The following MAN1B1 variants were observed in gnomAD, a reference collection of about 807,000 sequenced individuals.
The protein encoded by MAN1B1 is mannosidase alpha class 1B member 1.
Under a neutral mutation model 75.5 loss-of-function variants are expected in MAN1B1, and 66 were observed. The observed-to-expected ratio is 0.87, with a 90% CI of 0.72 to 1.07. The LOEUF (loss-of-function observed/expected upper bound fraction) is 1.07. Ranked by LOEUF, MAN1B1 falls within the 50% of genes least tolerant of loss-of-function variation. The probability of loss-of-function intolerance (pLI) is 0.00; values close to 1 mark genes in which losing one functional copy is unlikely to be tolerated. For synonymous variants in MAN1B1, 453 were observed against 382.8 expected, an observed-to-expected ratio of 1.18 and a Z score of -2.14; for missense variants, 973 against 912.5, an observed-to-expected ratio of 1.07 and a Z score of -0.85.
chr9:137,102,917 TTCAC>T (rs1192658253), intron 8 of MAN1B1: 7 of 400,630 alleles, frequency 1.7e-5, no homozygotes, highest in South Asian at 3.4e-5. Context: ...GTTACACACA[TTCAC>T]GCTGTTGCAG....
At chr9:137,088,719 T>C (rs1477569591) in intron 2 of MAN1B1, 150 bp from the exon 3 acceptor site, 31 of 907,634 alleles carry the variant, frequency 3.4e-5, no homozygotes, top group Non-Finnish European at 5.0e-5. Flanking sequence ...TTTCATTCCC[T>C]TGGGACATTG....
intron 8 of MAN1B1, chr9:137,103,590 C>T (rs28373932): frequency 0.35 from 155,795 of 442,778 alleles, 6,723 homozygotes; most frequent in East Asian, 0.48. Context: ...TGCAGGCGTG[C>T]GGGTCGGTGG....
intron 6 of MAN1B1, 23 bp downstream of exon 6, chr9:137,099,904 G>A: frequency 6.2e-7 from 1 of 1,613,842 alleles, no homozygotes; most frequent in Non-Finnish European, 8.5e-7. Flanking sequence ...TTCTGGGGAG[G>A]GGCTGAGCCC....
intron 3 of MAN1B1, among the ~76,000 whole-genome samples, chr9:137,089,755 G>A (rs1487006044): frequency 1.3e-5 from 2 of 152,168 alleles, no homozygotes; most frequent in African/African-American, 4.8e-5. Context: ...CTGAGTGGGG[G>A]GAGGAGTGCT....
chr9:137,095,578 A>G (rs1480261849), intron 3 of MAN1B1, among the ~76,000 whole-genome samples: 3 of 152,146 alleles, frequency 2.0e-5, no homozygotes, highest in Non-Finnish European at 4.4e-5. Flanking sequence ...AATAAAAATT[A>G]AGGTTTGGTA....
chr9:137,097,089 T>G (rs184641175), intron 4 of MAN1B1, among the ~76,000 whole-genome samples: 203 of 152,316 alleles, frequency 1.3e-3, no homozygotes, highest in African/African-American at 4.9e-3. Flanking sequence ...GGCGTGGACA[T>G]GTGCATGTGA....
intron 8 of MAN1B1, chr9:137,103,966 C>T (rs556993044): frequency 6.8e-6 from 3 of 442,744 alleles, no homozygotes; most frequent in South Asian, 4.9e-5. Context: ...TGGTGTTGCA[C>T]ATTCATGCTG....
chr9:137,096,213 C>T (rs1830647393), intron 3 of MAN1B1, 24 bp from the exon 4 acceptor site: 5 of 1,614,068 alleles, frequency 3.1e-6, no homozygotes, highest in Non-Finnish European at 4.2e-6. Flanking sequence ...CCCGTGATTT[C>T]CTGTGTGACC....
intron 3 of MAN1B1, among the ~76,000 whole-genome samples, chr9:137,092,239 T>C (rs1486266211): frequency 2.7e-5 from 4 of 150,740 alleles, no homozygotes; most frequent in Non-Finnish European, 5.9e-5. Flanking sequence ...ATGCCTATAG[T>C]CCCAGCTACC....
chr9:137,091,358 G>A (rs57965621), intron 3 of MAN1B1, among the ~76,000 whole-genome samples: 11,312 of 152,064 alleles, frequency 0.074, 1,361 homozygotes, highest in African/African-American at 0.25. Context: ...TCTTTCTCAA[G>A]CATTGACTTG....
rs1238823416 is a variant in MAN1B1 at position 137,101,678 on chromosome 9, G to A, written c.1254+6G>A. 1 of 1,611,152 alleles carries A rather than the reference G, an allele frequency of 6.2e-7. No individual in the cohort carries two copies. Among genetic ancestry groups the A allele is most frequent in the Admixed American group, 1.7e-5 (1 of 59,818 alleles). ...CAGGGGATAAGAAGTTTCAGGTAAG[G>A]GGGCAGGCTTTCTGGCTGGATGCGC... is the stretch of plus-strand genomic sequence containing the variant. On this transcript the variant is annotated splice_donor_region_variant and intron_variant, in intron 8 of 12. Transcript: ENST00000371589.
chr9:137,091,526 T>A (rs1830514856), intron 3 of MAN1B1, among the ~76,000 whole-genome samples: 2 of 144,044 alleles, frequency 1.4e-5, no homozygotes, highest in East Asian at 2.0e-4. Flanking sequence ...TTTATATTTT[T>A]TTTTTTTTTT....
At chr9:137,094,492 C>T (rs1241861485) in intron 3 of MAN1B1, 7 of 347,890 alleles carry the variant, frequency 2.0e-5, no homozygotes, top group Non-Finnish European at 4.1e-5. Context: ...GTCATCCCAG[C>T]ACTTTGAGAG....
At chr9:137,102,979 C>G (rs1439181952) in intron 8 of MAN1B1, 1 of 418,550 alleles carries the variant, frequency 2.4e-6, no homozygotes, top group Non-Finnish European at 4.6e-6. Flanking sequence ...TGCAGGCGTG[C>G]AGGTCGGTGG....
chr9:137,099,908 T>A (rs958817461), intron 6 of MAN1B1, 27 bp downstream of exon 6: 26 of 1,612,564 alleles, frequency 1.6e-5, no homozygotes, highest in African/African-American at 2.7e-5. Flanking sequence ...GGGGAGGGGC[T>A]GAGCCCTCCG....
chr9:137,099,478 G>A (rs1345799800), intron 5 of MAN1B1, among the ~76,000 whole-genome samples: 1 of 152,254 alleles, frequency 6.6e-6, no homozygotes, highest in Non-Finnish European at 1.5e-5. Context: ...GCAGTCTCCA[G>A]AGGTCTCAGG....
At chr9:137,091,521 A>ATTTTTTTTTTTTTTTTTTTTTTTTTTT (rs964752016) in intron 3 of MAN1B1, among the ~76,000 whole-genome samples, 1 of 89,924 alleles carries the variant, frequency 1.1e-5, no homozygotes, top group African/African-American at 3.6e-5. Flanking sequence ...TTTGTTTTAT[A>ATTTTTTTTTTTTTTTTTTTTTTTTTTT]TTTTTTTTTT....
At position 137,108,483 on chromosome 9, in the gene MAN1B1, G is replaced by A. The variant is rs747239978; in HGVS notation, c.1992G>A (p.Thr664=). The A allele has an allele frequency of 1.1e-5, 18 of 1,613,854 alleles. No homozygotes were observed. Among genetic ancestry groups the A allele is most frequent in the Admixed American group, 1.0e-4 (6 of 60,006 alleles). The stretch of plus-strand genomic sequence containing the variant: ...TGGAGAGCTTCTTCCTGGGGGAGAC[G>A]CTCAAGTATCTGTTCTTGCTCTTCT... The part of the protein sequence containing the change: ...DKMESFFLGE[T]LKYLFLLFSD... The change falls in exon 13 of 13, where the codon ACG becomes ACA. Residue 664 remains threonine, a synonymous_variant. Coordinates refer to ENST00000371589, the MANE Select transcript of MAN1B1 (RefSeq NM_016219.5).
intron 3 of MAN1B1, 82 bp from the exon 4 acceptor site, chr9:137,096,155 G>A: frequency 1.4e-6 from 2 of 1,458,858 alleles, no homozygotes; most frequent in South Asian, 2.3e-5. Context: ...GGTGTGGGCT[G>A]CACCTGAGGG....
Sources: gnomAD v4.1 joint callset for allele counts (sites outside exome capture counted in the v4.1 genomes callset) on GRCh38, gnomAD v4.1.1 for gene constraint, MANE v1.5 for transcripts, NCBI Gene and HGNC (gene_info 2026-07-23, HGNC 2026-07-21) for gene names.